The following MARK2 variants were observed in gnomAD, a reference collection of about 807,000 sequenced individuals.
MARK2 encodes the protein serine/threonine-protein kinase MARK2.
Under a neutral mutation model 89.8 loss-of-function variants are expected in MARK2, and 16 were observed. The observed-to-expected ratio is 0.18, with a 90% CI of 0.12 to 0.27. The LOEUF (loss-of-function observed/expected upper bound fraction) is 0.27. Among genes scored for constraint, MARK2 ranks in the 10% least tolerant of loss-of-function variants. The pLI is 1.00. For missense variants in MARK2, 621 were observed against 1,049.9 expected (o/e 0.59, Z 5.65); for synonymous variants, 382 against 399.5 (o/e 0.96, Z 0.52).
At chr11:63,853,218 G>A (rs1388192114) in intron 1 of MARK2, among the ~76,000 whole-genome samples, 6 of 152,012 alleles carry the variant, frequency 3.9e-5, no homozygotes, top group Non-Finnish European at 7.4e-5. Flanking sequence ...GGCCAACATG[G>A]TGAAACTCCT....
At chr11:63,866,631 C>G (rs946901292) in intron 1 of MARK2, among the ~76,000 whole-genome samples, 3 of 152,200 alleles carry the variant, frequency 2.0e-5, no homozygotes, top group African/African-American at 7.2e-5. Flanking sequence ...TTCCGAGAGG[C>G]TTGTGTAGCT....
chr11:63,885,748 C>T (rs1038622556), intron 1 of MARK2, among the ~76,000 whole-genome samples: 3 of 151,388 alleles, frequency 2.0e-5, no homozygotes, highest in Non-Finnish European at 2.9e-5. Flanking sequence ...GCAGGAGAAT[C>T]ACTGGAACAC....
rs920481423 is a variant in MARK2 at position 63,898,360 on chromosome 11, G to A, written c.337+80G>A. The A allele has an allele frequency of 2.9e-5, 40 of 1,383,192 alleles. 1 individual carries two copies. Among genetic ancestry groups the A allele is most frequent in the Middle Eastern group, 3.5e-4 (2 of 5,670 alleles). The allele number at this position is 1,383,192 out of a possible 1,614,324, so 85.7% of individuals were successfully genotyped here. ...CAGCATGTCATCTTCTCCCCGAGGT[G>A]CACTGCCTTCTGGAGTCTGCAGTCT... On this transcript the variant is annotated intron_variant, in intron 4 of 18. Coordinates refer to ENST00000402010, the MANE Select transcript of MARK2 (RefSeq NM_001039469.3).
intron 1 of MARK2, among the ~76,000 whole-genome samples, chr11:63,884,635 T>C (rs2135297678): frequency 6.6e-6 from 1 of 152,312 alleles, no homozygotes; most frequent in African/African-American, 2.4e-5. Context: ...AATGGGACAG[T>C]AAAGGAATAT....
At chr11:63,854,017 C>T (rs1424335020) in intron 1 of MARK2, among the ~76,000 whole-genome samples, 4 of 150,810 alleles carry the variant, frequency 2.7e-5, no homozygotes, top group African/African-American at 9.8e-5. Flanking sequence ...GGATTACAGG[C>T]ACCTGCCACC....
chr11:63,855,429 C>T (rs888154167), intron 1 of MARK2, among the ~76,000 whole-genome samples: 1 of 107,146 alleles, frequency 9.3e-6, no homozygotes, highest in African/African-American at 3.2e-5. Flanking sequence ...GAGGCTGAGG[C>T]GAGAAGATCT....
intron 1 of MARK2, among the ~76,000 whole-genome samples, chr11:63,845,114 G>A (rs886111338): frequency 1.3e-5 from 2 of 152,208 alleles, no homozygotes; most frequent in East Asian, 3.8e-4. Context: ...CAGATGGAAA[G>A]GGTGAGGAGG....
At chr11:63,839,652 C>T in intron 1 of MARK2, 92 bp downstream of exon 1, 1 of 812,306 alleles carries the variant, frequency 1.2e-6, no homozygotes. Context: ...CGTGCCCCTG[C>T]TGCCATCCTG....
chr11:63,875,975 G>A (rs1340655685), intron 1 of MARK2, among the ~76,000 whole-genome samples: 15 of 152,216 alleles, frequency 9.9e-5, no homozygotes, highest in Non-Finnish European at 2.2e-4. Context: ...CTGTGCACAC[G>A]CATGTGTGTG....
rs1038995280 is a variant in MARK2 at position 63,886,490 on chromosome 11, T to G, written c.55-8669T>G. ...CCCAGGCTGGAGTGCAGTGGTGCAA[T>G]CTCTGCTCACTGCAACCTCCACCTC... is the stretch of plus-strand genomic sequence containing the variant. On this transcript the variant is annotated intron_variant, in intron 1 of 18. Transcript: ENST00000402010. Among the ~76,000 whole-genome samples, 2 of 151,696 alleles carry G rather than the reference T, an allele frequency of 1.3e-5. 1 individual carries two copies. The highest frequency in any genetic ancestry group is 4.2e-4 in the South Asian group (2 of 4,798).
intron 1 of MARK2, among the ~76,000 whole-genome samples, chr11:63,873,619 C>G (rs1022731071): frequency 1.3e-5 from 2 of 152,142 alleles, no homozygotes; most frequent in African/African-American, 4.8e-5. Context: ...AGCAGCCCGA[C>G]CCTGCTGAAT....
At chr11:63,908,230 A>T in intron 17 of MARK2, 30 bp from the exon 18 acceptor site, 1 of 1,549,852 alleles carries the variant, frequency 6.5e-7, no homozygotes, top group Non-Finnish European at 8.7e-7. Flanking sequence ...AGATCCCAGC[A>T]CTAAACTCTC....
At chr11:63,898,985 C>T in intron 6 of MARK2, 67 bp from the exon 7 acceptor site, 1 of 1,281,348 alleles carries the variant, frequency 7.8e-7, no homozygotes, top group Admixed American at 1.7e-5. Context: ...CACAGGGTCA[C>T]TGCTCTGTCA....
At chr11:63,864,735 A>G (rs1938030461) in intron 1 of MARK2, among the ~76,000 whole-genome samples, 1 of 148,644 alleles carries the variant, frequency 6.7e-6, no homozygotes, top group Non-Finnish European at 1.5e-5. Context: ...GGCTGGATGT[A>G]GTCGGTGGCT....
chr11:63,900,650 T>C lies in MARK2; in HGVS notation c.860T>C (p.Leu287Pro). ...AACCTGCTTAAGAAATTTCTCATTC[T>C]TAATCCCAGCAAGAGAGGCACTTTA... ...CENLLKKFLILNPSKRGTLEQ... is the reference protein window; with the variant it reads ...CENLLKKFLIPNPSKRGTLEQ... The change falls in exon 9 of 19, where the codon CTT (leucine) becomes CCT (proline). Residue 287 changes from leucine to proline, a missense_variant. Physicochemically the swap from Leu to Pro is moderately conservative, Grantham distance 98. Around this residue, in one of 5 missense-constraint regions of MARK2, gnomAD observed 82 missense variants for 287.7 expected, o/e 0.29. Coordinates refer to ENST00000402010, the MANE Select transcript of MARK2 (RefSeq NM_001039469.3). This position sits in a 1 kb window ranked among gnomAD's most constrained non-coding sequence, Gnocchi z 4.7. The C allele has an allele frequency of 1.9e-6, 3 of 1,614,220 alleles. No homozygotes were observed. Among genetic ancestry groups the C allele is most frequent in the Non-Finnish European group, 2.5e-6 (3 of 1,180,040 alleles).
chr11:63,863,218 G>T (rs771833043), intron 1 of MARK2, among the ~76,000 whole-genome samples: 1 of 151,984 alleles, frequency 6.6e-6, no homozygotes, highest in Non-Finnish European at 1.5e-5. Flanking sequence ...TGCTGAAGCC[G>T]GTCCCCATAG....
intron 1 of MARK2, chr11:63,888,693 AGT>A: frequency 8.4e-7 from 1 of 1,185,598 alleles, no homozygotes; most frequent in South Asian, 1.6e-5. Context: ...TGCCAAACCC[AGT>A]CTCTCTGCTA....
Position 63,875,336 on chromosome 11 carries a change from G to A in MARK2, c.55-19823G>A, listed in dbSNP as rs565623584. On this transcript the variant is annotated intron_variant, in intron 1 of 18. Coordinates refer to ENST00000402010, the MANE Select transcript of MARK2 (RefSeq NM_001039469.3). ...GGGTTACACCATGTTGTTCAGGCTGGTCTGAAACTCCTGACCTCGTGATCC... is the reference window on the plus strand; with the variant it reads ...GGGTTACACCATGTTGTTCAGGCTGATCTGAAACTCCTGACCTCGTGATCC... 1.3e-4 allele frequency among the ~76,000 whole-genome samples: 20 copies of A among 151,794 alleles called. 1 individual carries two copies. In the South Asian group the frequency reaches 4.2e-3, roughly 32 times the overall value.
chr11:63,875,594 CTTGT>C (rs745746331), intron 1 of MARK2, among the ~76,000 whole-genome samples: 1 of 152,192 alleles, frequency 6.6e-6, no homozygotes, highest in Non-Finnish European at 1.5e-5. Flanking sequence ...GTTCTGGCGT[CTTGT>C]TTATCTTTCT....
Sources: allele counts gnomAD v4.1 joint callset (sites outside exome capture counted in the v4.1 genomes callset), GRCh38; gene constraint gnomAD v4.1.1; regional missense constraint gnomAD v4.1.1; non-coding constraint Gnocchi (gnomAD v3.1); transcripts MANE v1.5; gene names NCBI Gene and HGNC (gene_info 2026-07-23, HGNC 2026-07-21).